Variants in TMTC1 observed in about 807,000 individuals in gnomAD.
TMTC1 encodes the protein protein O-mannosyl-transferase TMTC1.
Under a neutral mutation model 104.8 loss-of-function variants are expected in TMTC1, and 73 were observed. The ratio of observed to expected loss-of-function variants is 0.70; its 90% CI spans 0.58 to 0.85. The LOEUF (loss-of-function observed/expected upper bound fraction) is 0.85. TMTC1 is among the 40% of genes least tolerant of loss of function. The pLI is 0.00. For missense variants in TMTC1, 1,035 were observed against 1,096.1 expected (o/e 0.94, Z 0.79); for synonymous variants, 434 against 428.7 (o/e 1.01, Z -0.15).
intron 9 of TMTC1, among the ~76,000 whole-genome samples, chr12:29,561,288 C>T (rs910728492): frequency 1.3e-5 from 2 of 151,934 alleles, no homozygotes; most frequent in Non-Finnish European, 2.9e-5. Flanking sequence ...CGTCATTCAA[C>T]GTTCAGCAAA....
At chr12:29,655,116 C>T (rs374546748) in intron 5 of TMTC1, among the ~76,000 whole-genome samples, 1 of 152,050 alleles carries the variant, frequency 6.6e-6, no homozygotes, top group Non-Finnish European at 1.5e-5. Flanking sequence ...CTCCTGACCT[C>T]GTGATCCGCC....
intron 6 of TMTC1, among the ~76,000 whole-genome samples, chr12:29,607,537 T>C (rs1159764249): frequency 1.3e-5 from 2 of 152,048 alleles, no homozygotes; most frequent in East Asian, 1.9e-4. Flanking sequence ...GGAGAAGATA[T>C]GGAATGTACA....
In TMTC1 at chr12:29,755,724, T is replaced by A; in HGVS notation, c.716A>T (p.Asn239Ile). Residue 239 changes from asparagine (N) to isoleucine (I), a missense_variant, in exon 4 of 18, where the codon AAC (asparagine) becomes ATC (isoleucine). Coordinates refer to ENST00000539277, the MANE Select transcript of TMTC1 (RefSeq NM_001193451.2). Reference sequence around the variant, plus strand: ...AATGACTTACGACTTGTCTTGCTTGTTGGAAAGGGAAAAGAGGTCATAAAC... The same window carrying A: ...AATGACTTACGACTTGTCTTGCTTGATGGAAAGGGAAAAGAGGTCATAAAC... ...CLVYDLFSLS[N>I]KQDKSSNGAL... The A allele has an allele frequency of 6.2e-7, 1 of 1,613,548 alleles. No homozygotes were observed. Among genetic ancestry groups the A allele is most frequent in the Non-Finnish European group, 8.5e-7 (1 of 1,179,752 alleles).
At chr12:29,569,252 T>C (rs547379712) in intron 9 of TMTC1, among the ~76,000 whole-genome samples, 1 of 152,198 alleles carries the variant, frequency 6.6e-6, no homozygotes, top group African/African-American at 2.4e-5. Flanking sequence ...AGAATATTCA[T>C]GTCATACATA....
intron 2 of TMTC1, among the ~76,000 whole-genome samples, chr12:29,764,770 C>T (rs1943426089): frequency 6.6e-6 from 1 of 152,176 alleles, no homozygotes. Flanking sequence ...ACTCCTCTGT[C>T]CCTTTCACTG....
At chr12:29,522,636 C>T (rs1468486790) in intron 11 of TMTC1, among the ~76,000 whole-genome samples, 3 of 151,794 alleles carry the variant, frequency 2.0e-5, no homozygotes, top group East Asian at 1.9e-4. Flanking sequence ...AGAAAATTAA[C>T]ATCTAGAGAG....
intron 5 of TMTC1, among the ~76,000 whole-genome samples, chr12:29,696,970 A>C (rs1941442194): frequency 6.6e-6 from 1 of 152,182 alleles, no homozygotes; most frequent in African/African-American, 2.4e-5. Context: ...GAAAGTCTAT[A>C]AAAGTATACT....
chr12:29,685,669 C>T (rs144077398), intron 5 of TMTC1, among the ~76,000 whole-genome samples: 1 of 152,092 alleles, frequency 6.6e-6, no homozygotes, highest in East Asian at 1.9e-4. Context: ...GTTTGCAATA[C>T]AGCAAGTAAT....
chr12:29,517,353 G>A, intron 14 of TMTC1, 74 bp downstream of exon 14: 1 of 1,534,592 alleles, frequency 6.5e-7, no homozygotes, highest in Non-Finnish European at 8.9e-7. Context: ...CAGTTTTGAG[G>A]CGTGAGGACT....
intron 7 of TMTC1, 101 bp from the exon 8 acceptor site, chr12:29,583,675 G>C: frequency 8.9e-7 from 1 of 1,118,000 alleles, no homozygotes; most frequent in Non-Finnish European, 1.2e-6. Flanking sequence ...AGCTTGTCCT[G>C]TGCTAGAGAA....
At chr12:29,741,048 T>G (rs1942811870) in intron 5 of TMTC1, among the ~76,000 whole-genome samples, 1 of 152,268 alleles carries the variant, frequency 6.6e-6, no homozygotes, top group African/African-American at 2.4e-5. Context: ...AAGTTTTTAA[T>G]AAATGTTTAT....
chr12:29,649,878 A>G (rs907243313), intron 5 of TMTC1, among the ~76,000 whole-genome samples: 1 of 152,184 alleles, frequency 6.6e-6, no homozygotes, highest in African/African-American at 2.4e-5. Context: ...GATGCTAACT[A>G]TAACCAAGGT....
Position 29,583,539 on chromosome 12 carries a change from C to G in TMTC1, c.1286G>C (p.Ser429Thr), listed in dbSNP as rs1188234185. The change falls in exon 8 of 18, where the codon AGC becomes ACC. Residue 429 changes from serine (S) to threonine (T), a missense_variant. Coordinates refer to ENST00000539277, the MANE Select transcript of TMTC1 (RefSeq NM_001193451.2). ...TCGATTCAGCCAAGTGCAGAGCTTG[C>G]TCAGTCCATGCACAAAAAGGATGCA... ...GYCILFVHGL[S>T]KLCTWLNRCG... 6.2e-7 allele frequency: 1 copy of G among 1,613,760 alleles called. No homozygotes were observed. The highest frequency in any genetic ancestry group is 8.5e-7 in the Non-Finnish European group (1 of 1,179,824).
intron 15 of TMTC1, 143 bp from the exon 16 acceptor site, chr12:29,514,747 A>G (rs299437): frequency 0.29 from 255,681 of 877,200 alleles, 40,397 homozygotes; most frequent in African/African-American, 0.51. Context: ...GGTCAGGCGT[A>G]GTGGCTAATG....
chr12:29,700,110 G>A lies in TMTC1; in HGVS notation c.938+51556C>T, dbSNP rs115390674. Among the ~76,000 whole-genome samples the A allele has an allele frequency of 5.8e-3, 889 of 152,056 alleles. 12 individuals are homozygous for A. Among genetic ancestry groups the A allele is most frequent in the African/African-American group, 0.018 (727 of 41,478 alleles). On this transcript the variant is annotated intron_variant, in intron 5 of 17. Transcript: ENST00000539277. ...GCTGCCCAAGCTGGAGTACAGTGGT[G>A]TGATCACAGCTCACTGCAACCTTAA...
intron 5 of TMTC1, among the ~76,000 whole-genome samples, chr12:29,696,733 G>C (rs1479545195): frequency 6.6e-6 from 1 of 152,090 alleles, no homozygotes; most frequent in Non-Finnish European, 1.5e-5. Flanking sequence ...AAGTTTTATT[G>C]AAGTAGGGTA....
At chr12:29,754,619 A>T (rs1004025186) in intron 4 of TMTC1, among the ~76,000 whole-genome samples, 4 of 152,200 alleles carry the variant, frequency 2.6e-5, no homozygotes, top group African/African-American at 9.6e-5. Context: ...GAGGATACGG[A>T]GGAAAGGCAA....
At chr12:29,611,630 CTT>C (rs1185781098) in intron 6 of TMTC1, among the ~76,000 whole-genome samples, 7 of 152,116 alleles carry the variant, frequency 4.6e-5, no homozygotes, top group African/African-American at 1.7e-4. Flanking sequence ...TAGAAATGAA[CTT>C]TCTTTATTTT....
intron 6 of TMTC1, among the ~76,000 whole-genome samples, chr12:29,625,085 G>A (rs931013799): frequency 6.6e-6 from 1 of 152,168 alleles, no homozygotes; most frequent in African/African-American, 2.4e-5. Flanking sequence ...GATACTTGCT[G>A]ATTCAGTACA....
Sources: gnomAD v4.1 joint callset for allele counts (sites outside exome capture counted in the v4.1 genomes callset) on GRCh38, gnomAD v4.1.1 for gene constraint, MANE v1.5 for transcripts, NCBI Gene and HGNC (gene_info 2026-07-23, HGNC 2026-07-21) for gene names.